DOCK1: variants seen among roughly 807,000 people sequenced by gnomAD.
DOCK1 encodes dedicator of cytokinesis 1.
A neutral mutation model predicts 262.7 loss-of-function variants in DOCK1; 138 were observed. That is an observed-to-expected ratio of 0.53 (90% CI 0.46 to 0.61). DOCK1 has a LOEUF of 0.61. Among genes scored for constraint, DOCK1 ranks in the 20% least tolerant of loss-of-function variants. The pLI, the probability that DOCK1 is intolerant of heterozygous loss-of-function variation, is 0.00. For synonymous variants in DOCK1, 866 were observed against 867.4 expected (o/e 1.00, Z 0.03); for missense variants, 1,908 against 2,370.7 (o/e 0.80, Z 4.05).
Position 127,012,170 on chromosome 10 carries a change from G to T in DOCK1, c.1059-62G>T. 1.2e-6 allele frequency: 1 copy of T among 844,140 alleles called. No individual in the cohort carries two copies. Among genetic ancestry groups the T allele is most frequent in the South Asian group, 1.4e-5 (1 of 71,186 alleles). 52.3% of individuals were successfully genotyped at this position (844,140 alleles called of 1,614,324 possible). On this transcript the variant is annotated intron_variant, in intron 11 of 51. Coordinates refer to ENST00000623213, the MANE Select transcript of DOCK1 (RefSeq NM_001290223.2). This position sits in a 1 kb window ranked among gnomAD's most constrained non-coding sequence, Gnocchi z 4.0. The stretch of plus-strand genomic sequence containing the variant: ...TGATCTCTTATGTTCCCTTGTTACC[G>T]TGGCCCATGGGTCTCTGTGCCCCTT...
chr10:126,979,191 G>C (rs961979359), intron 3 of DOCK1, among the ~76,000 whole-genome samples: 1 of 152,174 alleles, frequency 6.6e-6, no homozygotes, highest in African/African-American at 2.4e-5. Flanking sequence ...TCCAAGGAAA[G>C]TTCTATTTTC....
At position 127,100,225 on chromosome 10, in the gene DOCK1, A is replaced by C. The variant is rs1397138170; in HGVS notation, c.2446-6006A>C. On this transcript the variant is annotated intron_variant, in intron 23 of 51. Coordinates refer to ENST00000623213, the MANE Select transcript of DOCK1 (RefSeq NM_001290223.2). The surrounding 1 kb of genome is among the most constrained non-coding windows in gnomAD (Gnocchi z 5.5). ...CAGCGTGGAGGCAGGGAGGGCGGGT[A>C]GGAGGCTGTGGCAGCAAAGCCAATG... 6.6e-6 allele frequency among the ~76,000 whole-genome samples: 1 copy of C among 152,130 alleles called. No homozygotes were observed. The highest frequency in any genetic ancestry group is 1.5e-5 in the Non-Finnish European group (1 of 68,002).
At chr10:127,181,818 T>C (rs2055763657) in intron 27 of DOCK1, among the ~76,000 whole-genome samples, 1 of 152,166 alleles carries the variant, frequency 6.6e-6, no homozygotes, top group African/African-American at 2.4e-5. Flanking sequence ...ATAGTTAACT[T>C]AGAGACCTGT....
At position 127,176,518 on chromosome 10, in the gene DOCK1, G is replaced by A. The variant is rs553299904; in HGVS notation, c.2847+48754G>A. ...CTGTTTCCTAATTATATTTAAGCAG[G>A]TGAGGTCGGCCTTTATGTTAAGGAA... On this transcript the variant is annotated intron_variant, in intron 27 of 51. Transcript: ENST00000623213. This position sits in a 1 kb window ranked among gnomAD's most constrained non-coding sequence, Gnocchi z 4.4. 1.1e-5 allele frequency: 9 copies of A among 830,118 alleles called. No individual in the cohort carries two copies. Among genetic ancestry groups the A allele is most frequent in the Non-Finnish European group, 1.7e-5 (9 of 538,466 alleles). 51.4% of individuals were successfully genotyped at this position (830,118 alleles called of 1,614,324 possible). A position where few individuals can be genotyped will look rare whatever the true frequency, so the allele number is the denominator to read the frequency against.
rs556481271 is a variant in DOCK1 at position 127,237,203 on chromosome 10, A to G, written c.2848-10805A>G. On this transcript the variant is annotated intron_variant, in intron 27 of 51. Transcript: ENST00000623213. ...GGGAAACCCTGTCTCTACTAAAAAT[A>G]TGAAAAATTAGCCGGGTATGGTGAC... 3.6e-4 allele frequency among the ~76,000 whole-genome samples: 54 copies of G among 152,066 alleles called. 1 individual carries two copies. Among genetic ancestry groups the G allele is most frequent in the African/African-American group, 1.3e-3 (54 of 41,512 alleles).
chr10:127,177,351 CGGGGAATACCAGTGGG>C (rs1209405432), intron 27 of DOCK1, among the ~76,000 whole-genome samples: 1 of 152,130 alleles, frequency 6.6e-6, no homozygotes, highest in Non-Finnish European at 1.5e-5. Flanking sequence ...TGACTCCTCT[CGGGGAATACCAGTGGG>C]GTAAAATGCC....
At chr10:127,307,076 T>G (rs2061903809) in intron 29 of DOCK1, among the ~76,000 whole-genome samples, 1 of 152,224 alleles carries the variant, frequency 6.6e-6, no homozygotes, top group South Asian at 2.1e-4. Context: ...CTCAATATAT[T>G]ACTTTGAGAG....
At chr10:127,327,824 T>C (rs2062809170) in intron 29 of DOCK1, among the ~76,000 whole-genome samples, 1 of 152,168 alleles carries the variant, frequency 6.6e-6, no homozygotes, top group Non-Finnish European at 1.5e-5. Context: ...AGAGCTGTTA[T>C]TAACTTGAGG....
intron 27 of DOCK1, among the ~76,000 whole-genome samples, chr10:127,235,988 A>G (rs1454190171): frequency 3.3e-5 from 5 of 151,676 alleles, no homozygotes; most frequent in Admixed American, 3.3e-4. Context: ...TTGGTTTTTG[A>G]GAGTTTGTCA....
chr10:126,923,192 A>G (rs563316093), intron 1 of DOCK1, among the ~76,000 whole-genome samples: 2 of 152,372 alleles, frequency 1.3e-5, no homozygotes, highest in Admixed American at 1.3e-4. Context: ...CATTTGGCCC[A>G]TAGGCTGTAG....
At chr10:127,316,789 T>C (rs1383597742) in intron 29 of DOCK1, among the ~76,000 whole-genome samples, 1 of 152,056 alleles carries the variant, frequency 6.6e-6, no homozygotes, top group African/African-American at 2.4e-5. Context: ...CCTGTCAGCC[T>C]CCCCTTGCTG....
At chr10:126,932,643 C>T (rs1406435277) in intron 1 of DOCK1, among the ~76,000 whole-genome samples, 2 of 152,146 alleles carry the variant, frequency 1.3e-5, no homozygotes, top group African/African-American at 4.8e-5. Flanking sequence ...GTTCCAGAGC[C>T]CCTGTTGAGC....
intron 33 of DOCK1, among the ~76,000 whole-genome samples, chr10:127,368,741 G>C (rs1473949255): frequency 6.6e-6 from 1 of 151,968 alleles, no homozygotes; most frequent in Non-Finnish European, 1.5e-5. Flanking sequence ...CAAGAACCCT[G>C]CCCTCCCGTG....
At chr10:127,440,699 C>T (rs187002334) in intron 49 of DOCK1, among the ~76,000 whole-genome samples, 211 of 152,328 alleles carry the variant, frequency 1.4e-3, no homozygotes, top group Non-Finnish European at 2.2e-3. Context: ...GGAAGGCAAA[C>T]GCCCCAGCCA....
chr10:127,248,093 T>C lies in DOCK1; in HGVS notation c.2933T>C (p.Met978Thr). ...CACTTGATCAAGACTTTTGGGAAAA[T>C]GAGGACTGATGTGGTAGTAAGTGTC... ...YAHLIKTFGK[M>T]RTDVVDFLME... The change falls in exon 28 of 52, where the codon ATG becomes ACG. Residue 978 changes from methionine (M) to threonine (T), a missense_variant. Physicochemically the swap from Met to Thr is moderately conservative, Grantham distance 81. Transcript: ENST00000623213. 6.2e-7 allele frequency: 1 copy of C among 1,613,946 alleles called. No individual in the cohort carries two copies. The highest frequency in any genetic ancestry group is 8.5e-7 in the Non-Finnish European group (1 of 1,179,878).
At chr10:127,014,191 A>T (rs1468599497) in intron 12 of DOCK1, among the ~76,000 whole-genome samples, 1 of 152,278 alleles carries the variant, frequency 6.6e-6, no homozygotes, top group Non-Finnish European at 1.5e-5. Flanking sequence ...AATCCAAATT[A>T]TTCTGATCCC....
At position 127,100,190 on chromosome 10, in the gene DOCK1, CTTGAGGGGTCA is replaced by C. The variant is rs1345985621; in HGVS notation, c.2446-6040_2446-6030del. ...CTCTGGCTGCCCAGTGAGGAGTGTC[CTTGAGGGGTCA>C]GCGTGGAGGCAGGGAGGGCGGGTAG... is the stretch of plus-strand genomic sequence containing the variant. On this transcript the variant is annotated intron_variant, in intron 23 of 51. Coordinates refer to ENST00000623213, the MANE Select transcript of DOCK1 (RefSeq NM_001290223.2). This position sits in a 1 kb window ranked among gnomAD's most constrained non-coding sequence, Gnocchi z 5.5. 6.6e-6 allele frequency among the ~76,000 whole-genome samples: 1 copy of C among 152,130 alleles called. No individual in the cohort carries two copies. Among genetic ancestry groups the C allele is most frequent in the Non-Finnish European group, 1.5e-5 (1 of 68,006 alleles).
intron 42 of DOCK1, among the ~76,000 whole-genome samples, chr10:127,410,378 G>A (rs905335637): frequency 6.6e-6 from 1 of 152,216 alleles, no homozygotes; most frequent in Admixed American, 6.5e-5. Context: ...GCCCTGCCCT[G>A]TGCATGCGGA....
At chr10:127,184,321 C>CA (rs2056020098) in intron 27 of DOCK1, among the ~76,000 whole-genome samples, 1 of 151,042 alleles carries the variant, frequency 6.6e-6, no homozygotes, top group East Asian at 1.9e-4. Context: ...ATTCCCCCCC[C>CA]AGTCTAATCC....
Sources: allele counts gnomAD v4.1 joint callset (sites outside exome capture counted in the v4.1 genomes callset), GRCh38; gene constraint gnomAD v4.1.1; non-coding constraint Gnocchi (gnomAD v3.1); transcripts MANE v1.5; gene names NCBI Gene and HGNC (gene_info 2026-07-23, HGNC 2026-07-21).